SLC4A4: variants seen among roughly 807,000 people sequenced by gnomAD.
SLC4A4 encodes electrogenic sodium bicarbonate cotransporter 1.
A neutral mutation model predicts 111.5 loss-of-function variants in SLC4A4; 27 were observed. That is an observed-to-expected ratio of 0.24 (90% CI 0.18 to 0.33). The LOEUF is 0.33. Among genes scored for constraint, SLC4A4 ranks in the 10% least tolerant of loss-of-function variants. The probability of loss-of-function intolerance (pLI) is 1.00; values close to 1 mark genes in which losing one functional copy is unlikely to be tolerated. For missense variants in SLC4A4, 909 were observed against 1,315.5 expected (o/e 0.69, Z 4.78); for synonymous variants, 443 against 463.4 (o/e 0.96, Z 0.57).
intron 6 of SLC4A4, among the ~76,000 whole-genome samples, chr4:71,360,646 G>T (rs903646076): frequency 8.5e-5 from 13 of 152,078 alleles, no homozygotes; most frequent in Admixed American, 8.5e-4. Context: ...ATATTTGATG[G>T]ATGTTGGAAC....
intron 4 of SLC4A4, among the ~76,000 whole-genome samples, chr4:71,344,820 C>A (rs1385950056): frequency 6.6e-6 from 1 of 151,796 alleles, no homozygotes; most frequent in African/African-American, 2.4e-5. Flanking sequence ...TTAGGATATT[C>A]TTGTAGGATC....
chr4:71,220,712 A>AT (rs1196284701), intron 1 of SLC4A4, among the ~76,000 whole-genome samples: 3 of 151,258 alleles, frequency 2.0e-5, no homozygotes, highest in Admixed American at 6.6e-5. Flanking sequence ...TATTTTATTT[A>AT]TTTTTTTTAA....
intron 7 of SLC4A4, among the ~76,000 whole-genome samples, chr4:71,432,659 TCCACTAAATTCTTAGC>T (rs1723747916): frequency 6.6e-6 from 1 of 152,198 alleles, no homozygotes; most frequent in East Asian, 1.9e-4. Flanking sequence ...TTTCTTGGTT[TCCACTAAATTCTTAGC>T]CCTAAGTTCC....
intron 21 of SLC4A4, 29 bp from the exon 22 acceptor site, chr4:71,557,683 G>A (rs766001128): frequency 1.9e-6 from 3 of 1,608,756 alleles, no homozygotes; most frequent in Non-Finnish European, 2.6e-6. Flanking sequence ...CAGTAATGCA[G>A]TTGGACTCCT....
chr4:71,427,775 A>C (rs1459989997), intron 7 of SLC4A4, among the ~76,000 whole-genome samples: 1 of 152,178 alleles, frequency 6.6e-6, no homozygotes, highest in Non-Finnish European at 1.5e-5. Flanking sequence ...AGCTGAATAT[A>C]GTTCACCAAG....
intron 6 of SLC4A4, among the ~76,000 whole-genome samples, chr4:71,383,512 T>A (rs1414202959): frequency 6.6e-6 from 1 of 152,212 alleles, no homozygotes; most frequent in African/African-American, 2.4e-5. Flanking sequence ...ACCTCTCAGT[T>A]CTCTGAACTC....
chr4:71,106,173 T>C (rs2148949107), intron 2 of SLC4A4, among the ~76,000 whole-genome samples: 1 of 151,662 alleles, frequency 6.6e-6, no homozygotes, highest in Admixed American at 6.6e-5. Flanking sequence ...CATGAAAAAA[T>C]GCTAACCATC....
intron 18 of SLC4A4, among the ~76,000 whole-genome samples, chr4:71,536,651 C>T (rs1734530636): frequency 6.6e-6 from 1 of 150,468 alleles, no homozygotes; most frequent in Non-Finnish European, 1.5e-5. Context: ...GGCATGCCAC[C>T]ATGCCAGCTA....
chr4:71,485,472 C>A (rs1185030994), intron 14 of SLC4A4, among the ~76,000 whole-genome samples: 2 of 151,618 alleles, frequency 1.3e-5, no homozygotes, highest in African/African-American at 4.8e-5. Flanking sequence ...ACCTTGCATA[C>A]CAGGGATAAA....
chr4:71,157,580 G>A lies in SLC4A4; in HGVS notation c.-2+64788G>A, dbSNP rs186884835. ...TTTTGCATACATTATAGAATGTAAT[G>A]TACAAATTCATAGCTCTGAAATTAG... On this transcript the variant is annotated intron_variant, in intron 2 of 26. Coordinates refer to the SLC4A4 transcript ENST00000649996. 5.1e-3 allele frequency among the ~76,000 whole-genome samples: 775 copies of A among 152,202 alleles called. 3 individuals carry two copies. Among genetic ancestry groups the A allele is most frequent in the South Asian group, 0.011 (51 of 4,824 alleles).
chr4:71,559,735 A>G (rs1736796110), intron 22 of SLC4A4, among the ~76,000 whole-genome samples: 1 of 151,900 alleles, frequency 6.6e-6, no homozygotes, highest in Non-Finnish European at 1.5e-5. Context: ...CTTAGAAATC[A>G]TATGCCAGCT....
At chr4:71,361,295 C>T (rs1730762135) in intron 6 of SLC4A4, among the ~76,000 whole-genome samples, 1 of 152,258 alleles carries the variant, frequency 6.6e-6, no homozygotes, top group Non-Finnish European at 1.5e-5. Flanking sequence ...TGTCTTTATT[C>T]CTAAAGACTA....
At chr4:71,276,705 G>A (rs148495452) in intron 3 of SLC4A4, among the ~76,000 whole-genome samples, 10 of 151,894 alleles carry the variant, frequency 6.6e-5, no homozygotes, top group African/African-American at 2.2e-4. Context: ...TTGTTTAACC[G>A]TTTACATATT....
chr4:71,553,488 C>T (rs915025045), intron 20 of SLC4A4, among the ~76,000 whole-genome samples: 91 of 151,802 alleles, frequency 6.0e-4, no homozygotes, highest in African/African-American at 2.1e-3. Context: ...ATGCTTTACC[C>T]AGATTAAAAA....
At position 71,337,825 on chromosome 4, in the gene SLC4A4, T is replaced by G. The variant is rs1578866525; in HGVS notation, c.254-1545T>G. 6.6e-5 allele frequency among the ~76,000 whole-genome samples: 10 copies of G among 151,856 alleles called. 1 individual carries two copies. The South Asian group carries it at 1.7e-3, about 25-fold the overall frequency. On this transcript the variant is annotated intron_variant, in intron 3 of 25. Transcript: ENST00000264485. ...TTTTTTTTTATTTTTGACATTTAAT[T>G]AATTAATTAATTAATTAATTTATAG...
Position 71,557,845 on chromosome 4 carries a change from T to A in SLC4A4, c.2897T>A (p.Ile966Asn). ...GTGTTGTGTCTGGCCCTGCTTTGGA[T>A]CCTCAAGTCAACGGTGGCTGCTATC... Reference protein sequence around the residue: ...LQVLCLALLWILKSTVAAIIF... With the variant: ...LQVLCLALLWNLKSTVAAIIF... The change falls in exon 22 of 26, where the codon ATC becomes AAC. Residue 966 changes from isoleucine to asparagine, a missense_variant. Ile to Asn is a moderately radical substitution (Grantham distance 149). Transcript: ENST00000264485. 1 of 1,612,688 alleles carries A rather than the reference T, an allele frequency of 6.2e-7. No homozygotes were observed. Among genetic ancestry groups the A allele is most frequent in the South Asian group, 1.1e-5 (1 of 91,070 alleles).
intron 1 of SLC4A4, among the ~76,000 whole-genome samples, chr4:71,219,613 G>A (rs1277166701): frequency 6.6e-6 from 1 of 152,188 alleles, no homozygotes; most frequent in African/African-American, 2.4e-5. Context: ...GGCAATAGCT[G>A]TCATAAATAG....
chr4:71,560,043 G>T, intron 22 of SLC4A4, 50 bp from the exon 23 acceptor site: 3 of 1,428,678 alleles, frequency 2.1e-6, no homozygotes, highest in South Asian at 2.3e-5. Flanking sequence ...TGCTTGCTGT[G>T]ACTTCATCTG....
intron 20 of SLC4A4, among the ~76,000 whole-genome samples, chr4:71,554,422 G>A (rs1199697126): frequency 6.6e-6 from 1 of 151,702 alleles, no homozygotes; most frequent in Non-Finnish European, 1.5e-5. Context: ...TCTAGGAATA[G>A]ATACAGTTTA....
Sources: gnomAD v4.1 joint callset for allele counts (sites outside exome capture counted in the v4.1 genomes callset) on GRCh38, gnomAD v4.1.1 for gene constraint, MANE v1.5 for transcripts, NCBI Gene and HGNC (gene_info 2026-07-23, HGNC 2026-07-21) for gene names.